PCDH7: variants seen among roughly 807,000 people sequenced by gnomAD.
The protein encoded by PCDH7 is protocadherin-7.
In PCDH7, 17 loss-of-function variants were observed where a neutral mutation model predicts 58.9. That is an observed-to-expected ratio of 0.29 (90% confidence interval 0.20 to 0.43). The LOEUF is 0.43. Among genes scored for constraint, PCDH7 ranks in the 20% least tolerant of loss-of-function variants. The pLI, the probability that PCDH7 is intolerant of heterozygous loss-of-function variation, is 1.00. For synonymous variants in PCDH7, 664 were observed against 616.4 expected (o/e 1.08, Z -1.14); for missense variants, 1,274 against 1,441.0 (o/e 0.88, Z 1.88).
At chr4:30,955,535 T>C (rs12501576) in intron 3 of PCDH7, among the ~76,000 whole-genome samples, 1 of 151,640 alleles carries the variant, frequency 6.6e-6, no homozygotes, top group Non-Finnish European at 1.5e-5. Flanking sequence ...CATTTTATTT[T>C]ATTTCATTTT....
At chr4:30,902,132 A>T (rs532991006) in intron 1 of PCDH7, among the ~76,000 whole-genome samples, 13 of 152,258 alleles carry the variant, frequency 8.5e-5, no homozygotes, top group African/African-American at 3.1e-4. Flanking sequence ...TTAAGTACAA[A>T]CACTTTATCA....
chr4:30,969,860 G>C (rs1227962799), intron 3 of PCDH7, among the ~76,000 whole-genome samples: 1 of 152,124 alleles, frequency 6.6e-6, no homozygotes, highest in South Asian at 2.1e-4. Context: ...GAGACACTAG[G>C]CCCTTAAATT....
chr4:31,064,227 T>C (rs1398216166), intron 3 of PCDH7, among the ~76,000 whole-genome samples: 2 of 152,002 alleles, frequency 1.3e-5, no homozygotes, highest in African/African-American at 4.8e-5. Flanking sequence ...GCAACAGAAT[T>C]GTATGTTTAA....
chr4:31,127,429 T>A (rs1718438673), intron 3 of PCDH7, among the ~76,000 whole-genome samples: 1 of 152,172 alleles, frequency 6.6e-6, no homozygotes, highest in Non-Finnish European at 1.5e-5. Flanking sequence ...TACAATTAGA[T>A]AGCTTGAATG....
In PCDH7 at chr4:30,721,902, A is replaced by G; in HGVS notation, c.480A>G (p.Thr160=). 1 of 1,585,938 alleles carries G rather than the reference A, an allele frequency of 6.3e-7. No homozygotes were observed. Among genetic ancestry groups the G allele is most frequent in the Non-Finnish European group, 8.6e-7 (1 of 1,168,348 alleles). Residue 160 remains threonine, a synonymous_variant, in exon 1 of 2, where the codon ACA becomes ACG. Coordinates refer to ENST00000361762, the Ensembl canonical transcript of PCDH7. This position sits in a 1 kb window ranked among gnomAD's most constrained non-coding sequence, Gnocchi z 6.7. ...TGGAGGAGAATCGGCCGGTGGGCAC[A>G]CTTTACCTGCTGCCCACAGCCACCG...
At chr4:31,097,638 A>ATATATG (rs370034723) in intron 3 of PCDH7, among the ~76,000 whole-genome samples, 1 of 79,210 alleles carries the variant, frequency 1.3e-5, no homozygotes, top group Non-Finnish European at 2.4e-5. Context: ...ATATATATAT[A>ATATATG]AATCTTTTTT....
At chr4:30,911,213 A>G (rs1741706520) in intron 1 of PCDH7, among the ~76,000 whole-genome samples, 1 of 151,574 alleles carries the variant, frequency 6.6e-6, no homozygotes, top group South Asian at 2.1e-4. Context: ...AATGTAGGTG[A>G]TGGGTTGATG....
chr4:30,831,514 G>A (rs1489923557), intron 1 of PCDH7, among the ~76,000 whole-genome samples: 1 of 152,064 alleles, frequency 6.6e-6, no homozygotes, highest in Admixed American at 6.6e-5. Context: ...TTGAACATGG[G>A]TATTCAACAG....
At chr4:31,039,182 C>T (rs1490943636) in intron 3 of PCDH7, among the ~76,000 whole-genome samples, 1 of 152,048 alleles carries the variant, frequency 6.6e-6, no homozygotes, top group Non-Finnish European at 1.5e-5. Context: ...ATTTGGCATT[C>T]TCCTTTAGCA....
At chr4:30,848,262 C>A (rs2109344118) in intron 1 of PCDH7, among the ~76,000 whole-genome samples, 1 of 152,036 alleles carries the variant, frequency 6.6e-6, no homozygotes, top group Admixed American at 6.6e-5. Flanking sequence ...AGGTAGCAAA[C>A]AAAAATATAT....
At chr4:31,059,479 A>T (rs1757512296) in intron 3 of PCDH7, among the ~76,000 whole-genome samples, 1 of 151,914 alleles carries the variant, frequency 6.6e-6, no homozygotes, top group South Asian at 2.1e-4. Flanking sequence ...ATATTTATTC[A>T]TAATCTCCAG....
intron 3 of PCDH7, among the ~76,000 whole-genome samples, chr4:30,991,927 G>T (rs1751495101): frequency 6.6e-6 from 1 of 152,118 alleles, no homozygotes; most frequent in Non-Finnish European, 1.5e-5. Context: ...AAGACTTCAT[G>T]CAATTATTTG....
intron 3 of PCDH7, among the ~76,000 whole-genome samples, chr4:31,092,030 G>A (rs183038121): frequency 2.2e-4 from 33 of 151,928 alleles, no homozygotes; most frequent in Admixed American, 5.9e-4. Flanking sequence ...CCCCACGCAC[G>A]TGTTTAGATT....
intron 3 of PCDH7, among the ~76,000 whole-genome samples, chr4:30,966,127 C>T (rs972335072): frequency 1.3e-4 from 20 of 152,074 alleles, no homozygotes; most frequent in African/African-American, 3.9e-4. Flanking sequence ...ATTTTCATTG[C>T]GGATTCTTGA....
chr4:30,905,633 T>G (rs1317302908), intron 1 of PCDH7, among the ~76,000 whole-genome samples: 1 of 152,214 alleles, frequency 6.6e-6, no homozygotes, highest in African/African-American at 2.4e-5. Context: ...TAAGTCTCTG[T>G]TGGATTGCAT....
chr4:30,759,128 G>A (rs906131058), intron 1 of PCDH7, among the ~76,000 whole-genome samples: 1 of 151,962 alleles, frequency 6.6e-6, no homozygotes, highest in Admixed American at 6.6e-5. Flanking sequence ...TTTTAGTAAA[G>A]ATGGGGTTTC....
intron 3 of PCDH7, among the ~76,000 whole-genome samples, chr4:31,021,991 CTT>C (rs1483657714): frequency 6.6e-6 from 1 of 152,110 alleles, no homozygotes; most frequent in African/African-American, 2.4e-5. Flanking sequence ...GGTTAGGCAA[CTT>C]AACACAGCTT....
At chr4:30,868,693 C>T (rs967078167) in intron 1 of PCDH7, among the ~76,000 whole-genome samples, 1 of 151,822 alleles carries the variant, frequency 6.6e-6, no homozygotes, top group Non-Finnish European at 1.5e-5. Flanking sequence ...ATTCTTGACC[C>T]CTGGAATAGG....
At chr4:30,838,233 G>C (rs28612929) in intron 1 of PCDH7, among the ~76,000 whole-genome samples, 256 of 152,058 alleles carry the variant, frequency 1.7e-3, no homozygotes, top group African/African-American at 5.9e-3. Context: ...CAGGCAAAAT[G>C]AAATGAAAAA....
Sources: allele counts gnomAD v4.1 joint callset (sites outside exome capture counted in the v4.1 genomes callset), GRCh38; gene constraint gnomAD v4.1.1; non-coding constraint Gnocchi (gnomAD v3.1); transcripts MANE v1.5; gene names NCBI Gene and HGNC (gene_info 2026-07-23, HGNC 2026-07-21).